Variants in GPHN observed in about 807,000 individuals in gnomAD.
GPHN encodes gephyrin.
In GPHN, 17 loss-of-function variants were observed where a neutral mutation model predicts 95.5. The observed-to-expected ratio is 0.18, with a 90% CI of 0.12 to 0.27. The LOEUF is 0.27. Ranked by LOEUF, GPHN falls within the 10% of genes least tolerant of loss-of-function variation. The pLI is 1.00. For missense variants in GPHN, 660 were observed against 978.1 expected, an observed-to-expected ratio of 0.67 and a Z score of 4.34; for synonymous variants, 320 against 322.5, an observed-to-expected ratio of 0.99 and a Z score of 0.08.
intron 8 of GPHN, among the ~76,000 whole-genome samples, chr14:66,955,678 A>G (rs530124082): frequency 6.6e-6 from 1 of 152,180 alleles, no homozygotes; most frequent in East Asian, 1.9e-4. Flanking sequence ...TTAGGTATAT[A>G]TATCTCCTAA....
chr14:66,782,794 C>T (rs1368928440), intron 3 of GPHN, among the ~76,000 whole-genome samples: 3 of 152,110 alleles, frequency 2.0e-5, no homozygotes, highest in African/African-American at 7.2e-5. Flanking sequence ...GATGGTGCCA[C>T]TGCACTCCAC....
At chr14:66,567,510 TG>T (rs1350338631) in intron 1 of GPHN, among the ~76,000 whole-genome samples, 2 of 152,190 alleles carry the variant, frequency 1.3e-5, no homozygotes, top group Non-Finnish European at 2.9e-5. Flanking sequence ...TAGAGTACAT[TG>T]TGGGTTCTCA....
chr14:67,693,160 A>G, the GPHN span: 4 of 667,758 alleles, frequency 6.0e-6, no homozygotes, highest in Non-Finnish European at 1.0e-5. Flanking sequence ...AGTTCTTTCC[A>G]CTGTTGTCCT....
intron 9 of GPHN, among the ~76,000 whole-genome samples, chr14:66,997,564 A>G (rs1286850013): frequency 6.6e-6 from 1 of 152,200 alleles, no homozygotes; most frequent in Non-Finnish European, 1.5e-5. Context: ...CCCTTGAAAG[A>G]TAGTACTGTT....
chr14:67,100,873 G>C lies in GPHN; in HGVS notation c.1255G>C (p.Asp419His). The C allele has an allele frequency of 6.2e-7, 1 of 1,608,040 alleles. No individual in the cohort carries two copies. Among genetic ancestry groups the C allele is most frequent in the Non-Finnish European group, 8.5e-7 (1 of 1,174,446 alleles). The change falls in exon 13 of 23, where the codon GAT becomes CAT. Residue 419 changes from aspartate to histidine, a missense_variant. Physicochemically the swap from Asp to His is moderately conservative, Grantham distance 81. Around this residue, in one of 6 missense-constraint regions of GPHN, gnomAD observed 257 missense variants for 376.2 expected, o/e 0.68. Transcript: ENST00000478722. ...TCTCACAGCTGCTGATGGCCCAGGA[G>C]ATCGTTTCATCATTGGGGAATCCCA... ...YAVRAADGPG[D>H]RFIIGESQAG...
chr14:67,162,129 T>C (rs2082017085), intron 19 of GPHN, among the ~76,000 whole-genome samples: 1 of 152,174 alleles, frequency 6.6e-6, no homozygotes, highest in African/African-American at 2.4e-5. Flanking sequence ...CCATGCATAA[T>C]AACAAAATAT....
chr14:67,033,954 G>C (rs1212745837), intron 10 of GPHN, among the ~76,000 whole-genome samples: 1 of 152,106 alleles, frequency 6.6e-6, no homozygotes, highest in Non-Finnish European at 1.5e-5. Flanking sequence ...TGCCAGTGAG[G>C]AATACTGCAT....
chr14:67,661,594 G>A, the GPHN span, among the ~76,000 whole-genome samples: 1 of 143,812 alleles, frequency 7.0e-6, no homozygotes, highest in Non-Finnish European at 1.5e-5. Context: ...GTGCAGTGGT[G>A]CAACTGTGGC....
chr14:66,727,717 C>T (rs1157463173), intron 2 of GPHN, among the ~76,000 whole-genome samples: 3 of 152,130 alleles, frequency 2.0e-5, no homozygotes, highest in Non-Finnish European at 4.4e-5. Context: ...CAAGAGGTGA[C>T]TTGGGTGCTG....
chr14:66,601,124 G>T (rs189072237), intron 1 of GPHN, among the ~76,000 whole-genome samples: 1 of 152,116 alleles, frequency 6.6e-6, no homozygotes, highest in Non-Finnish European at 1.5e-5. Context: ...ATGAGTGTTT[G>T]AGGACACCAC....
At chr14:67,373,676 T>C in the GPHN span, among the ~76,000 whole-genome samples, 1 of 152,188 alleles carries the variant, frequency 6.6e-6, no homozygotes, top group African/African-American at 2.4e-5. Flanking sequence ...TAACCTTTCA[T>C]GGGTTTTAGT....
the GPHN span, among the ~76,000 whole-genome samples, chr14:67,504,463 G>GT: frequency 1.2e-4 from 18 of 151,054 alleles, 1 homozygote; most frequent in South Asian, 2.1e-3. Context: ...ATTTAAGTCA[G>GT]TTTTTTTTTC....
rs747784070 is a variant in GPHN, at chr14:67,100,918, T to C, written c.1293+7T>C. 6 of 1,544,214 alleles carry C rather than the reference T, an allele frequency of 3.9e-6. No homozygotes were observed. Among genetic ancestry groups the C allele is most frequent in the African/African-American group, 2.7e-5 (2 of 73,586 alleles). On this transcript the variant is annotated splice_region_variant and intron_variant, in intron 13 of 22. Transcript: ENST00000478722. ...ATCCCAAGCTGGTGAACAGGTGAGA[T>C]TGATAGGCCTGAAAGGCACTGAAGA... is the stretch of plus-strand genomic sequence containing the variant.
intron 17 of GPHN, chr14:67,143,077 TC>T (rs2080585850): frequency 7.9e-6 from 3 of 379,582 alleles, no homozygotes; most frequent in Admixed American, 7.4e-5. Context: ...TAGTTAGACA[TC>T]CTCCAACATC....
At chr14:66,683,244 ATAC>A (rs2067051172) in intron 2 of GPHN, among the ~76,000 whole-genome samples, 1 of 146,336 alleles carries the variant, frequency 6.8e-6, no homozygotes, top group Admixed American at 7.0e-5. Flanking sequence ...CTGTCAGGAT[ATAC>A]TATTGATGAC....
chr14:67,278,876 T>G, the GPHN span: 1 of 184,562 alleles, frequency 5.4e-6, no homozygotes, highest in Non-Finnish European at 1.1e-5. Flanking sequence ...ATCTGTAAAG[T>G]GAAAGTACTT....
the GPHN span, among the ~76,000 whole-genome samples, chr14:67,227,180 G>A: frequency 3.9e-5 from 6 of 152,216 alleles, no homozygotes; most frequent in Admixed American, 2.6e-4. Flanking sequence ...GGTGGCTCAC[G>A]CCTGTAATCC....
chr14:66,787,596 A>G (rs2059821854), intron 3 of GPHN, among the ~76,000 whole-genome samples: 1 of 152,208 alleles, frequency 6.6e-6, no homozygotes, highest in Non-Finnish European at 1.5e-5. Flanking sequence ...TATCTACAGT[A>G]TTCAAGATAG....
chr14:66,663,464 C>G lies in GPHN; in HGVS notation c.65-17643C>G, dbSNP rs568162900. 2.0e-5 allele frequency among the ~76,000 whole-genome samples: 3 copies of G among 152,258 alleles called. No homozygotes were observed. In the South Asian group the frequency reaches 6.2e-4, roughly 32 times the overall value. ...TACCACCACACCTGCCTTACAATAG[C>G]TCCCAAAAGAAGCACTAAATATGGA... On this transcript the variant is annotated intron_variant, in intron 1 of 22. Coordinates refer to ENST00000478722, the MANE Select transcript of GPHN (RefSeq NM_020806.5).
Sources: gnomAD v4.1 joint callset for allele counts (sites outside exome capture counted in the v4.1 genomes callset) on GRCh38, gnomAD v4.1.1 for gene constraint, gnomAD v4.1.1 regional missense constraint, MANE v1.5 for transcripts, NCBI Gene and HGNC (gene_info 2026-07-23, HGNC 2026-07-21) for gene names.